Variants in CAPN13 observed in about 807,000 individuals in gnomAD.
The protein encoded by CAPN13 is calpain-13.
CAPN13 carries 90 observed loss-of-function variants against 98.4 expected under a neutral mutation model. The observed-to-expected ratio is 0.92, with a 90% CI of 0.77 to 1.09. CAPN13 has a LOEUF of 1.09. CAPN13 is among the 50% of genes least tolerant of loss of function. CAPN13 has a pLI of 0.00. For synonymous variants in CAPN13, 330 were observed against 305.5 expected, an observed-to-expected ratio of 1.08 and a Z score of -0.84; for missense variants, 887 against 841.3, an observed-to-expected ratio of 1.05 and a Z score of -0.67.
chr2:30,785,627 C>T (rs1674234501), intron 2 of CAPN13, among the ~76,000 whole-genome samples: 1 of 152,134 alleles, frequency 6.6e-6, no homozygotes, highest in African/African-American at 2.4e-5. Flanking sequence ...AAAGACATCA[C>T]AAGTTGAGTT....
At chr2:30,769,891 TCCCCTCTCCCC>T (rs1673307634) in intron 5 of CAPN13, among the ~76,000 whole-genome samples, 1 of 151,954 alleles carries the variant, frequency 6.6e-6, no homozygotes, top group Non-Finnish European at 1.5e-5. Flanking sequence ...CTCCCACCTA[TCCCCTCTCCCC>T]TTGCTGAAAT....
rs569014333 is a variant in CAPN13, at chr2:30,769,151, A to T, written c.524+1162T>A. Among the ~76,000 whole-genome samples the T allele has an allele frequency of 5.3e-5, 8 of 152,136 alleles. No individual in the cohort carries two copies. The South Asian group carries it at 1.7e-3, about 32-fold the overall frequency. On this transcript the variant is annotated intron_variant, in intron 5 of 22. Transcript: ENST00000295055. ...TCCATGAAGTGTACCCACCCATTGT[A>T]CCCACTGACCTCAGTGATGGACACT...
chr2:30,781,639 G>A (rs1673988011), intron 2 of CAPN13, among the ~76,000 whole-genome samples: 1 of 152,138 alleles, frequency 6.6e-6, no homozygotes, highest in Admixed American at 6.5e-5. Context: ...CTTGGACAGG[G>A]AATTACATCA....
At chr2:30,801,779 G>A (rs2148116669) in intron 1 of CAPN13, among the ~76,000 whole-genome samples, 1 of 152,194 alleles carries the variant, frequency 6.6e-6, no homozygotes, top group East Asian at 1.9e-4. Flanking sequence ...GAAGAGAGTG[G>A]GAGGAATGAG....
intron 1 of CAPN13, among the ~76,000 whole-genome samples, chr2:30,790,230 C>A (rs1198926369): frequency 6.6e-6 from 1 of 152,210 alleles, no homozygotes; most frequent in Non-Finnish European, 1.5e-5. Context: ...CCTGCTGTCA[C>A]TTTTGGGAGG....
chr2:30,758,064 C>T lies in CAPN13; in HGVS notation c.848G>A (p.Arg283Lys). 6.2e-7 allele frequency: 1 copy of T among 1,611,524 alleles called. No individual in the cohort carries two copies. Among genetic ancestry groups the T allele is most frequent in the Non-Finnish European group, 8.5e-7 (1 of 1,178,956 alleles). ...GCCATACCCATCACTCCAGCGCCCT[C>T]TCCATTCGGCCTCGCCCCAGCCCCA... ...NPWGWGEAEWRGRWSDGSQEW... is the reference protein window; with the variant it reads ...NPWGWGEAEWKGRWSDGSQEW... The change falls in exon 8 of 23, where the codon AGA becomes AAA. Residue 283 changes from arginine (R) to lysine (K), a missense_variant. Physicochemically the swap from Arg to Lys is conservative, Grantham distance 26 (BLOSUM62 2). Coordinates refer to ENST00000295055, the MANE Select transcript of CAPN13 (RefSeq NM_144575.3).
At chr2:30,800,098 G>GA (rs1558351184) in intron 1 of CAPN13, among the ~76,000 whole-genome samples, 6 of 100,570 alleles carry the variant, frequency 6.0e-5, no homozygotes, top group African/African-American at 2.3e-4. Flanking sequence ...AGAAAGAAAA[G>GA]AAAGAAAGAA....
intron 1 of CAPN13, among the ~76,000 whole-genome samples, chr2:30,803,196 T>C (rs1366513230): frequency 1.3e-5 from 2 of 152,206 alleles, no homozygotes; most frequent in Non-Finnish European, 2.9e-5. Context: ...AAGAGAATGT[T>C]TGGCGAGAAG....
intron 5 of CAPN13, among the ~76,000 whole-genome samples, chr2:30,768,127 C>T (rs1001305120): frequency 2.6e-5 from 4 of 152,244 alleles, no homozygotes; most frequent in African/African-American, 4.8e-5. Context: ...CTGCCTCACA[C>T]ACAGCCCCTT....
In CAPN13 at chr2:30,782,168, G is replaced by A. The variant is rs138754209; in HGVS notation, c.199-4529C>T. On this transcript the variant is annotated intron_variant, in intron 2 of 22. Coordinates refer to ENST00000295055, the MANE Select transcript of CAPN13 (RefSeq NM_144575.3). ...ACCCTAATCGTCTCCAGAGGTAGAC[G>A]GAGAAATATGCCAAGAAATAATGTC... 2.1e-4 allele frequency among the ~76,000 whole-genome samples: 32 copies of A among 152,266 alleles called. No homozygotes were observed. In the East Asian group the frequency reaches 5.2e-3, roughly 25 times the overall value.
Position 30,770,107 on chromosome 2 carries a change from C to A in CAPN13, c.524+206G>T, listed in dbSNP as rs1201138663. 2.6e-5 allele frequency among the ~76,000 whole-genome samples: 4 copies of A among 152,226 alleles called. No homozygotes were observed. In the South Asian group the frequency reaches 6.2e-4, roughly 24 times the overall value. On this transcript the variant is annotated intron_variant, in intron 5 of 22. Coordinates refer to ENST00000295055, the MANE Select transcript of CAPN13 (RefSeq NM_144575.3). ...TATCATTGTCAGTGCATATCTCTGT[C>A]CAGCCCCTACCCTGCCCACTCTTCA...
chr2:30,784,129 G>A (rs779346234), intron 2 of CAPN13, among the ~76,000 whole-genome samples: 13 of 151,882 alleles, frequency 8.6e-5, no homozygotes, highest in African/African-American at 2.9e-4. Context: ...GCAGTGAGCC[G>A]AGATTGTGCC....
intron 5 of CAPN13, among the ~76,000 whole-genome samples, chr2:30,767,032 G>A (rs1477017391): frequency 6.6e-6 from 1 of 152,226 alleles, no homozygotes; most frequent in African/African-American, 2.4e-5. Context: ...TCCACAAGCA[G>A]CAAAAGACAA....
At chr2:30,747,088 A>G (rs1442091032) in intron 11 of CAPN13, among the ~76,000 whole-genome samples, 1 of 152,194 alleles carries the variant, frequency 6.6e-6, no homozygotes, top group African/African-American at 2.4e-5. Flanking sequence ...GCTTGTAGGA[A>G]TGTCTGTGTG....
At chr2:30,776,132 C>A (rs1673678635) in intron 3 of CAPN13, 87 bp from the exon 4 acceptor site, 8 of 771,762 alleles carry the variant, frequency 1.0e-5, no homozygotes, top group Non-Finnish European at 1.7e-5. Flanking sequence ...CCACCAGAGG[C>A]TACACAATTC....
At chr2:30,732,256 G>C (rs2681678) in intron 20 of CAPN13, among the ~76,000 whole-genome samples, 182 bp downstream of exon 20, 17,910 of 152,192 alleles carry the variant, frequency 0.12, 1,672 homozygotes, top group African/African-American at 0.26. Context: ...ACAGGGGAGA[G>C]GGGGGTGCGG....
At chr2:30,728,683 G>A (rs977604305) in intron 22 of CAPN13, among the ~76,000 whole-genome samples, 1 of 152,180 alleles carries the variant, frequency 6.6e-6, no homozygotes, top group Non-Finnish European at 1.5e-5. Flanking sequence ...TTTTTCCTGT[G>A]AGCAATGGGA....
intron 1 of CAPN13, among the ~76,000 whole-genome samples, chr2:30,800,754 CA>C (rs1254503429): frequency 6.6e-6 from 1 of 152,124 alleles, no homozygotes; most frequent in African/African-American, 2.4e-5. Context: ...CCAATACACA[CA>C]AAAAAGAAAC....
intron 18 of CAPN13, 40 bp from the exon 19 acceptor site, chr2:30,734,564 G>C: frequency 6.6e-7 from 1 of 1,510,442 alleles, no homozygotes; most frequent in South Asian, 1.1e-5. Flanking sequence ...TGTGAAGACT[G>C]GGAAGGTCTG....
Sources: allele counts gnomAD v4.1 joint callset (sites outside exome capture counted in the v4.1 genomes callset), GRCh38; gene constraint gnomAD v4.1.1; transcripts MANE v1.5; gene names NCBI Gene and HGNC (gene_info 2026-07-23, HGNC 2026-07-21).